Variants in NELL1 observed in about 807,000 individuals in gnomAD.
NELL1 encodes neural EGFL like 1.
In NELL1, 76 loss-of-function variants were observed where a neutral mutation model predicts 107.4. That is an observed-to-expected ratio of 0.71 (90% CI 0.59 to 0.86). The LOEUF (loss-of-function observed/expected upper bound fraction) is 0.86. Among genes scored for constraint, NELL1 ranks in the 40% least tolerant of loss-of-function variants. NELL1 has a pLI of 0.00. For missense variants in NELL1, 1,024 were observed against 1,005.5 expected, an observed-to-expected ratio of 1.02 and a Z score of -0.25; for synonymous variants, 353 against 341.2, an observed-to-expected ratio of 1.03 and a Z score of -0.38.
intron 3 of NELL1, among the ~76,000 whole-genome samples, chr11:20,809,620 C>T (rs1857456981): frequency 1.3e-5 from 2 of 152,122 alleles, no homozygotes; most frequent in African/African-American, 4.8e-5. Flanking sequence ...TGAGATCATG[C>T]TGTATTTGTC....
At chr11:20,691,033 C>G (rs949793004) in intron 2 of NELL1, among the ~76,000 whole-genome samples, 14 of 151,808 alleles carry the variant, frequency 9.2e-5, no homozygotes, top group African/African-American at 3.4e-4. Flanking sequence ...GTATTTTATT[C>G]TCTTTGAAGC....
chr11:21,508,491 A>G (rs953450673), intron 15 of NELL1, among the ~76,000 whole-genome samples: 1 of 152,156 alleles, frequency 6.6e-6, no homozygotes, highest in African/African-American at 2.4e-5. Flanking sequence ...TAAAAAGGGG[A>G]CATATTTCTC....
At chr11:21,405,450 G>A (rs951728545) in intron 15 of NELL1, among the ~76,000 whole-genome samples, 1 of 151,978 alleles carries the variant, frequency 6.6e-6, no homozygotes, top group African/African-American at 2.4e-5. Context: ...TGTGCTAACA[G>A]AATACAAATG....
chr11:21,342,038 G>A (rs558954343), intron 14 of NELL1, among the ~76,000 whole-genome samples: 5 of 152,076 alleles, frequency 3.3e-5, no homozygotes, highest in African/African-American at 1.2e-4. Flanking sequence ...ATGAGTTGTC[G>A]ATAGCAATAC....
At chr11:21,315,989 T>G (rs1349432233) in intron 14 of NELL1, among the ~76,000 whole-genome samples, 1 of 152,158 alleles carries the variant, frequency 6.6e-6, no homozygotes, top group Non-Finnish European at 1.5e-5. Flanking sequence ...TTTTACCTAT[T>G]ACTTTATATT....
intron 14 of NELL1, among the ~76,000 whole-genome samples, chr11:21,354,802 T>C (rs905757112): frequency 1.3e-5 from 2 of 152,212 alleles, no homozygotes; most frequent in African/African-American, 2.4e-5. Flanking sequence ...TGCAGTTATA[T>C]AAAGTTGCAG....
At chr11:21,282,977 T>C (rs1183167882) in intron 14 of NELL1, among the ~76,000 whole-genome samples, 1 of 151,152 alleles carries the variant, frequency 6.6e-6, no homozygotes, top group East Asian at 1.9e-4. Context: ...AAAATTCAAA[T>C]AATTGGACTC....
At chr11:21,189,000 T>C (rs761565303) in intron 13 of NELL1, among the ~76,000 whole-genome samples, 17 of 151,892 alleles carry the variant, frequency 1.1e-4, no homozygotes, top group Non-Finnish European at 1.5e-4. Context: ...GCTGCTACTC[T>C]ATGTCCCTAT....
intron 7 of NELL1, among the ~76,000 whole-genome samples, chr11:20,919,858 G>A (rs981741319): frequency 2.0e-5 from 3 of 152,034 alleles, no homozygotes; most frequent in Non-Finnish European, 2.9e-5. Context: ...CAACACCTTC[G>A]GTTTTATAAT....
At chr11:20,825,738 C>T (rs1379702233) in intron 3 of NELL1, among the ~76,000 whole-genome samples, 4 of 151,096 alleles carry the variant, frequency 2.6e-5, no homozygotes, top group African/African-American at 7.3e-5. Context: ...AGAATATGGA[C>T]TTGGACTTTT....
rs550998001 is a variant in NELL1 at position 20,788,842 on chromosome 11, ACTTT to A, written c.335+5016_335+5019del. Among the ~76,000 whole-genome samples, 329 of 152,196 alleles carry A rather than the reference ACTTT, an allele frequency of 2.2e-3. 2 individuals carry two copies. Among genetic ancestry groups the A allele is most frequent in the Non-Finnish European group, 3.9e-3 (268 of 67,996 alleles). ...TTATCTCTTAGATATATTTTGAGTT[ACTTT>A]CTTCTAAAAGTTTTATAGGCTTAGC... On this transcript the variant is annotated intron_variant, in intron 3 of 19. Transcript: ENST00000357134.
intron 15 of NELL1, among the ~76,000 whole-genome samples, chr11:21,501,318 TG>T (rs1228985795): frequency 6.6e-6 from 1 of 152,188 alleles, no homozygotes; most frequent in Non-Finnish European, 1.5e-5. Context: ...GAAAAGCAAT[TG>T]AAGATGTGTG....
At chr11:21,295,305 C>G (rs1350134613) in intron 14 of NELL1, among the ~76,000 whole-genome samples, 1 of 151,912 alleles carries the variant, frequency 6.6e-6, no homozygotes, top group East Asian at 1.9e-4. Flanking sequence ...GTTGGATTAA[C>G]TAGATATTTG....
intron 18 of NELL1, among the ~76,000 whole-genome samples, chr11:21,571,399 A>G (rs1361606263): frequency 6.6e-6 from 1 of 151,860 alleles, no homozygotes; most frequent in Non-Finnish European, 1.5e-5. Flanking sequence ...TACTAGCTTA[A>G]AATGATTACC....
At chr11:21,501,027 A>C (rs1855126643) in intron 15 of NELL1, among the ~76,000 whole-genome samples, 1 of 152,128 alleles carries the variant, frequency 6.6e-6, no homozygotes, top group African/African-American at 2.4e-5. Context: ...ATGGTGGTAG[A>C]GAGTGTGTTT....
At chr11:21,041,791 C>A (rs534713313) in intron 12 of NELL1, among the ~76,000 whole-genome samples, 1 of 152,280 alleles carries the variant, frequency 6.6e-6, no homozygotes. Flanking sequence ...TACACAACTA[C>A]AAAGAAAGTT....
At position 21,400,986 on chromosome 11, in the gene NELL1, A is replaced by G. The variant is rs1248883068; in HGVS notation, c.1645+30038A>G. ...AAATAACACATTTCATACACCAGTG[A>G]TGGCAGCAAAGACAAATTTCACAGT... On this transcript the variant is annotated intron_variant, in intron 15 of 19. Coordinates refer to ENST00000357134, the MANE Select transcript of NELL1 (RefSeq NM_006157.5). Among the ~76,000 whole-genome samples, 4 of 151,896 alleles carry G rather than the reference A, an allele frequency of 2.6e-5. No homozygotes were observed. The South Asian group carries it at 8.3e-4, about 31-fold the overall frequency.
intron 14 of NELL1, among the ~76,000 whole-genome samples, chr11:21,279,424 C>T (rs1365155839): frequency 6.6e-6 from 1 of 152,110 alleles, no homozygotes; most frequent in Non-Finnish European, 1.5e-5. Context: ...TGACAAAAAG[C>T]AAATGAACAA....
chr11:21,085,675 A>G (rs1007941543), intron 12 of NELL1, among the ~76,000 whole-genome samples: 4 of 152,310 alleles, frequency 2.6e-5, no homozygotes, highest in African/African-American at 9.6e-5. Flanking sequence ...TCAGGGGACA[A>G]CAACAAATGC....
Sources: gnomAD v4.1 joint callset for allele counts (sites outside exome capture counted in the v4.1 genomes callset) on GRCh38, gnomAD v4.1.1 for gene constraint, MANE v1.5 for transcripts, NCBI Gene and HGNC (gene_info 2026-07-23, HGNC 2026-07-21) for gene names.